The following NCF4 variants were observed in gnomAD, a reference collection of about 807,000 sequenced individuals.
NCF4 encodes neutrophil cytosol factor 4.
NCF4 carries 30 observed loss-of-function variants against 41.7 expected under a neutral mutation model. That is an observed-to-expected ratio of 0.72 (90% CI 0.54 to 0.97). NCF4 has a LOEUF of 0.97. Ranked by LOEUF, NCF4 falls within the 50% of genes least tolerant of loss-of-function variation. NCF4 has a pLI of 0.00. For missense variants in NCF4, 432 were observed against 460.9 expected, an observed-to-expected ratio of 0.94 and a Z score of 0.57; for synonymous variants, 195 against 175.8, an observed-to-expected ratio of 1.11 and a Z score of -0.87.
At chr22:36,872,280 T>C in intron 6 of NCF4, 47 bp from the exon 7 acceptor site, 1 of 1,376,686 alleles carries the variant, frequency 7.3e-7, no homozygotes, top group Non-Finnish European at 1.0e-6. Context: ...CTATAGGAAC[T>C]CAGTGAGTGT....
intron 4 of NCF4, 163 bp from the exon 5 acceptor site, chr22:36,870,252 T>G: frequency 3.0e-6 from 3 of 1,016,266 alleles, no homozygotes; most frequent in Non-Finnish European, 4.5e-6. Flanking sequence ...TTCAGCATGC[T>G]GAGTTTTCTT....
At chr22:36,872,694 GTTGGAGGTGAGA>G (rs1168117586) in intron 7 of NCF4, among the ~76,000 whole-genome samples, 3 of 95,008 alleles carry the variant, frequency 3.2e-5, no homozygotes, top group Non-Finnish European at 7.1e-5. Flanking sequence ...TGGAGGTAAG[GTTGGAGGTGAGA>G]TTGGAGGTGA....
intron 5 of NCF4, among the ~76,000 whole-genome samples, chr22:36,870,770 G>A (rs150966159): frequency 1.2e-3 from 185 of 152,306 alleles, no homozygotes; most frequent in Non-Finnish European, 2.2e-3. Context: ...ACGAGGACTG[G>A]GATATTGACT....
Position 36,871,667 on chromosome 22 carries a change from AC to A in NCF4, c.487del (p.Gln163ArgfsTer27). Reference protein sequence around the residue: ...RTRKVKSVSPQGNSVDRMAAP... With the variant: ...RTRKVKSVSPXGNSVDRMAAP... ...CTCTCCACAGCAAGAGCGTGTCCCC[AC>A]AGGGCAACAGCGTTGACCGCATGGC... On this transcript the variant is annotated frameshift_variant, in exon 6 of 10. Transcript: ENST00000248899. LOFTEE classifies it high-confidence loss of function. The A allele has an allele frequency of 6.4e-7, 1 of 1,571,108 alleles. No individual in the cohort carries two copies.
chr22:36,864,186 C>A, intron 2 of NCF4, 57 bp downstream of exon 2: 1 of 1,360,916 alleles, frequency 7.3e-7, no homozygotes, highest in Non-Finnish European at 9.9e-7. Flanking sequence ...CCCAGCTGAC[C>A]TCTGAACCTT....
At chr22:36,870,819 C>G (rs1369914089) in intron 5 of NCF4, among the ~76,000 whole-genome samples, 1 of 152,074 alleles carries the variant, frequency 6.6e-6, no homozygotes, top group Non-Finnish European at 1.5e-5. Flanking sequence ...TGGGGATAGC[C>G]CAGAAGCTCT....
intron 3 of NCF4, 119 bp from the exon 4 acceptor site, chr22:36,867,273 G>A (rs1386638457): frequency 9.9e-7 from 1 of 1,011,014 alleles, no homozygotes. Context: ...AGATAACAGG[G>A]AAGAATGCTG....
At position 36,865,128 on chromosome 22, in the gene NCF4, G is replaced by T. The variant is rs1468712992; in HGVS notation, c.271+56G>T. The T allele has an allele frequency of 6.3e-7, 1 of 1,594,736 alleles. No homozygotes were observed. The highest frequency in any genetic ancestry group is 2.2e-5 in the East Asian group (1 of 44,836). On this transcript the variant is annotated intron_variant, in intron 3 of 9. Coordinates refer to ENST00000248899, the MANE Select transcript of NCF4 (RefSeq NM_000631.5). The surrounding 1 kb of genome is among the most constrained non-coding windows in gnomAD (Gnocchi z 4.3). ...GAGCTGCTGACTCTCCTTCCTTCCA[G>T]GGCCCCTGACACTGTTCTGTGATTT...
chr22:36,866,641 TCCATCTCCTGGACAC>T lies in NCF4; in HGVS notation c.272-749_272-735del, dbSNP rs528267211. ...CCTACCGCCGCCGCCATCACCTCTG[TCCATCTCCTGGACAC>T]CAGGAGCCAGGCAGGTTTCAGACTT... is the stretch of plus-strand genomic sequence containing the variant. On this transcript the variant is annotated intron_variant, in intron 3 of 9. Coordinates refer to ENST00000248899, the MANE Select transcript of NCF4 (RefSeq NM_000631.5). 2.6e-5 allele frequency among the ~76,000 whole-genome samples: 4 copies of T among 152,236 alleles called. No homozygotes were observed. In the East Asian group the frequency reaches 7.7e-4, roughly 29 times the overall value.
In NCF4 at chr22:36,874,818, C is replaced by T. The variant is rs567239150; in HGVS notation, c.628-835C>T. ...GGCTACTTGGTCTAGAGTAGAGGCA[C>T]AGTTGTATCTGATGAATGAATGAGT... On this transcript the variant is annotated intron_variant, in intron 7 of 9. Transcript: ENST00000248899. Among the ~76,000 whole-genome samples the T allele has an allele frequency of 3.9e-5, 6 of 152,306 alleles. No individual in the cohort carries two copies. The South Asian group carries it at 1.2e-3, about 32-fold the overall frequency.
intron 6 of NCF4, chr22:36,872,083 G>A (rs561338214): frequency 1.6e-5 from 11 of 705,464 alleles, no homozygotes; most frequent in South Asian, 7.5e-5. Context: ...CAGAGAGTTC[G>A]AACCCTTCCC....
Position 36,864,068 on chromosome 22 carries a change from A to T in NCF4, c.56A>T (p.Asp19Val). The T allele has an allele frequency of 6.2e-7, 1 of 1,614,146 alleles. No homozygotes were observed. Among genetic ancestry groups the T allele is most frequent in the Non-Finnish European group, 8.5e-7 (1 of 1,180,020 alleles). Residue 19 changes from aspartate (D) to valine (V), a missense_variant, in exon 2 of 10, where the codon GAT becomes GTT. Transcript: ENST00000248899. ...AESDFEQLPD[D>V]VAISANIADI... ...AGTGACTTTGAACAGCTTCCGGATG[A>T]TGTTGCCATCTCGGCCAACATTGCT...
chr22:36,868,605 G>C (rs1245246246), intron 4 of NCF4, among the ~76,000 whole-genome samples: 1 of 151,880 alleles, frequency 6.6e-6, no homozygotes, highest in Non-Finnish European at 1.5e-5. Flanking sequence ...TGCTCCTTCA[G>C]GGTGGCTGAG....
chr22:36,861,193 C>A lies in NCF4; in HGVS notation c.22C>A (p.Arg8=). MAVAQQL[R]AESDFEQLPD... ...CACCATGGCTGTGGCCCAGCAGCTG[C>A]GGGCCGAGAGGTGAGTGCCGGGGTG... The change falls in exon 1 of 10, where the codon CGG becomes AGG. Residue 8 remains arginine (R), a synonymous_variant. Transcript: ENST00000248899. 1 of 1,551,486 alleles carries A rather than the reference C, an allele frequency of 6.4e-7. No individual in the cohort carries two copies.
intron 4 of NCF4, 155 bp from the exon 5 acceptor site, chr22:36,870,257 TTTC>T: frequency 9.3e-7 from 1 of 1,070,774 alleles, no homozygotes; most frequent in South Asian, 1.3e-5. Flanking sequence ...CATGCTGAGT[TTTC>T]TTATTCTTTT....
At chr22:36,873,077 A>G (rs1955203367) in intron 7 of NCF4, among the ~76,000 whole-genome samples, 1 of 149,324 alleles carries the variant, frequency 6.7e-6, no homozygotes, top group Admixed American at 6.7e-5. Context: ...GTTGGAGGTG[A>G]GGATGGAGGT....
chr22:36,875,652 G>A lies in NCF4; in HGVS notation c.628-1G>A, dbSNP rs765576846. 3 of 1,611,262 alleles carry A rather than the reference G, an allele frequency of 1.9e-6. No homozygotes were observed. Among genetic ancestry groups the A allele is most frequent in the Non-Finnish European group, 2.5e-6 (3 of 1,179,986 alleles). ...ATGGCATCCCTTCTCTTCCTCTGCA[G>A]GGCACTGTCCGGGGAGCCACGGGCA... On this transcript the variant is annotated splice_acceptor_variant, in intron 7 of 9. Coordinates refer to ENST00000248899, the MANE Select transcript of NCF4 (RefSeq NM_000631.5). LOFTEE classifies it high-confidence loss of function.
At chr22:36,868,298 G>T (rs1368522909) in intron 4 of NCF4, among the ~76,000 whole-genome samples, 1 of 152,244 alleles carries the variant, frequency 6.6e-6, no homozygotes, top group African/African-American at 2.4e-5. Context: ...CTGACTGGCT[G>T]GGTGATTTGG....
At chr22:36,876,164 C>A in intron 9 of NCF4, 70 bp downstream of exon 9, 1 of 1,412,580 alleles carries the variant, frequency 7.1e-7, no homozygotes, top group Non-Finnish European at 9.6e-7. Context: ...AAATGTTAAG[C>A]ACTAGTATTA....
Sources: gnomAD v4.1 joint callset for allele counts (sites outside exome capture counted in the v4.1 genomes callset) on GRCh38, gnomAD v4.1.1 for gene constraint, Gnocchi (gnomAD v3.1) non-coding constraint, MANE v1.5 for transcripts, NCBI Gene and HGNC (gene_info 2026-07-23, HGNC 2026-07-21) for gene names.